Variants in MFSD6 observed in about 807,000 individuals in gnomAD.
MFSD6 encodes major facilitator superfamily domain-containing protein 6.
In MFSD6, 26 loss-of-function variants were observed where a neutral mutation model predicts 56.3. The observed-to-expected ratio is 0.46, with a 90% confidence interval of 0.34 to 0.64. MFSD6 has a LOEUF of 0.64. MFSD6 is among the 30% of genes least tolerant of loss of function. The pLI, the probability that MFSD6 is intolerant of heterozygous loss-of-function variation, is 0.01. For synonymous variants in MFSD6, 331 were observed against 366.9 expected (o/e 0.90, Z 1.12); for missense variants, 750 against 986.2 (o/e 0.76, Z 3.21).
At chr2:190,445,796 T>G (rs1404681855) in intron 3 of MFSD6, among the ~76,000 whole-genome samples, 2 of 135,766 alleles carry the variant, frequency 1.5e-5, no homozygotes, top group Non-Finnish European at 3.2e-5. Context: ...GAAATCAGAT[T>G]CATAACGTGG....
rs541603233 is a variant in MFSD6, at chr2:190,423,966, G to A, written c.-54+8553G>A. ...CCTCTTCAGTGAAATGTCCCTTCAC[G>A]TTTTTTGTCCATTTTCTAATTGGAT... On this transcript the variant is annotated intron_variant, in intron 2 of 7. Transcript: ENST00000392328. The surrounding 1 kb of genome is among the most constrained non-coding windows in gnomAD (Gnocchi z 4.3). Among the ~76,000 whole-genome samples, 2 of 152,190 alleles carry A rather than the reference G, an allele frequency of 1.3e-5. No individual in the cohort carries two copies. The highest frequency in any genetic ancestry group is 1.9e-4 in the East Asian group (1 of 5,180).
chr2:190,424,842 T>C lies in MFSD6; in HGVS notation c.-54+9429T>C, dbSNP rs1017575927. ...CACACGGTCTTAATGCACAGCTATATGATCTTTTTCAAAACTGCTTTAGCT... is the reference window on the plus strand; with the variant it reads ...CACACGGTCTTAATGCACAGCTATACGATCTTTTTCAAAACTGCTTTAGCT... On this transcript the variant is annotated intron_variant, in intron 2 of 7. Coordinates refer to ENST00000392328, the MANE Select transcript of MFSD6 (RefSeq NM_017694.4). This position sits in a 1 kb window ranked among gnomAD's most constrained non-coding sequence, Gnocchi z 5.9. Among the ~76,000 whole-genome samples, 2 of 152,268 alleles carry C rather than the reference T, an allele frequency of 1.3e-5. No homozygotes were observed. The highest frequency in any genetic ancestry group is 2.9e-5 in the Non-Finnish European group (2 of 68,050).
At position 190,424,222 on chromosome 2, in the gene MFSD6, A is replaced by G. The variant is rs1685718675; in HGVS notation, c.-54+8809A>G. Among the ~76,000 whole-genome samples the G allele has an allele frequency of 7.0e-6, 1 of 142,876 alleles. No homozygotes were observed. Among genetic ancestry groups the G allele is most frequent in the South Asian group, 2.2e-4 (1 of 4,640 alleles). The allele number at this position is 142,876 out of a possible 152,430, so 93.7% of individuals were successfully genotyped here. A position where few individuals can be genotyped will look rare whatever the true frequency, so the allele number is the denominator to read the frequency against. On this transcript the variant is annotated intron_variant, in intron 2 of 7. Transcript: ENST00000392328. This position sits in a 1 kb window ranked among gnomAD's most constrained non-coding sequence, Gnocchi z 5.9. ...AACTCTGCCTAGCACTAGAGGCTAA[A>G]GATTTTCTTCTTCTTTTTTTTTTTT...
chr2:190,469,089 A>C lies in MFSD6; in HGVS notation c.1533-669A>C, dbSNP rs1687767201. On this transcript the variant is annotated intron_variant, in intron 3 of 7. Coordinates refer to ENST00000392328, the MANE Select transcript of MFSD6 (RefSeq NM_017694.4). The surrounding 1 kb of genome is among the most constrained non-coding windows in gnomAD (Gnocchi z 5.3). ...TTTGGCAGCGGTAATGGTGGGGGTG[A>C]GAGAATGCAAGAGGTTGGTGTATAT... Among the ~76,000 whole-genome samples, 1 of 152,142 alleles carries C rather than the reference A, an allele frequency of 6.6e-6. No homozygotes were observed. The highest frequency in any genetic ancestry group is 2.4e-5 in the African/African-American group (1 of 41,424).
chr2:190,495,682 T>TAAATAAA lies in MFSD6; in HGVS notation c.1892-1756_1892-1750dup, dbSNP rs756510061. On this transcript the variant is annotated intron_variant, in intron 6 of 7. Transcript: ENST00000392328. This position sits in a 1 kb window ranked among gnomAD's most constrained non-coding sequence, Gnocchi z 4.7. ...CCAATGAAACAGAATAGAAAACCCA[T>TAAATAAA]AAATAAAGCCAAATACAGCCAACTG... is the stretch of plus-strand genomic sequence containing the variant. Among the ~76,000 whole-genome samples the TAAATAAA allele has an allele frequency of 6.6e-6, 1 of 151,570 alleles. No homozygotes were observed.
rs1232188762 is a variant in MFSD6 at position 190,415,737 on chromosome 2, G to A, written c.-54+324G>A. On this transcript the variant is annotated intron_variant, in intron 2 of 7. Transcript: ENST00000392328. The surrounding 1 kb of genome is among the most constrained non-coding windows in gnomAD (Gnocchi z 4.5). ...ACTAAGGATATAAATTATTCTTTTA[G>A]ACTATAGCACATTTAGGGGATGTAA... 1.3e-5 allele frequency among the ~76,000 whole-genome samples: 2 copies of A among 152,114 alleles called. No homozygotes were observed. Among genetic ancestry groups the A allele is most frequent in the African/African-American group, 4.8e-5 (2 of 41,412 alleles).
At position 190,497,508 on chromosome 2, in the gene MFSD6, T is replaced by C. The variant is rs1204226020; in HGVS notation, c.1961T>C (p.Val654Ala). 3 of 1,614,190 alleles carry C rather than the reference T, an allele frequency of 1.9e-6. No homozygotes were observed. Among genetic ancestry groups the C allele is most frequent in the Non-Finnish European group, 8.5e-7 (1 of 1,180,020 alleles). Residue 654 changes from valine (V) to alanine (A), a missense_variant, in exon 7 of 8, where the codon GTA (valine) becomes GCA (alanine). Physicochemically the swap from Val to Ala is moderately conservative, Grantham distance 64. Around this residue, in one of 5 missense-constraint regions of MFSD6, gnomAD observed 172 missense variants for 203.9 expected, o/e 0.84. Transcript: ENST00000392328. The surrounding 1 kb of genome is among the most constrained non-coding windows in gnomAD (Gnocchi z 5.2). The stretch of plus-strand genomic sequence containing the variant: ...GTTCCTATAGCAACCATCGACTTGG[T>C]ACAGCAACAGACAGAAGATGTCATG... ...SPVPIATIDL[V>A]QQQTEDVMPR...
chr2:190,446,646 C>A (rs1686595403), intron 3 of MFSD6, among the ~76,000 whole-genome samples: 2 of 152,110 alleles, frequency 1.3e-5, no homozygotes, highest in Admixed American at 1.3e-4. Context: ...GCTAATGAAA[C>A]ATGGACTACG....
rs191141972 is a variant in MFSD6 at position 190,478,442 on chromosome 2, T to G, written c.1630+8587T>G. Among the ~76,000 whole-genome samples, 968 of 152,348 alleles carry G rather than the reference T, an allele frequency of 6.4e-3. 4 individuals carry two copies. Among genetic ancestry groups the G allele is most frequent in the Middle Eastern group, 0.014 (4 of 294 alleles). ...GCCCACCCCATGGAAAACAGTAGATTATTCATGTGGAATAAAATCCTGCAT... is the reference window on the plus strand; with the variant it reads ...GCCCACCCCATGGAAAACAGTAGATGATTCATGTGGAATAAAATCCTGCAT... On this transcript the variant is annotated intron_variant, in intron 4 of 7. Coordinates refer to ENST00000392328, the MANE Select transcript of MFSD6 (RefSeq NM_017694.4).
intron 2 of MFSD6, among the ~76,000 whole-genome samples, chr2:190,429,626 A>AT (rs1236867427): frequency 2.0e-5 from 3 of 152,094 alleles, no homozygotes; most frequent in Non-Finnish European, 4.4e-5. Flanking sequence ...GAAATTCTTA[A>AT]TTTTAATGTA....
At chr2:190,411,369 A>C (rs1164658449) in intron 1 of MFSD6, 1 of 564,646 alleles carries the variant, frequency 1.8e-6, no homozygotes, top group African/African-American at 2.1e-5. Flanking sequence ...CATGTTGGCC[A>C]GGATGGTCTC....
At position 190,495,169 on chromosome 2, in the gene MFSD6, A is replaced by T. The variant is rs1242180681; in HGVS notation, c.1892-2270A>T. Among the ~76,000 whole-genome samples, 1 of 151,666 alleles carries T rather than the reference A, an allele frequency of 6.6e-6. No individual in the cohort carries two copies. The highest frequency in any genetic ancestry group is 1.5e-5 in the Non-Finnish European group (1 of 67,968). ...CAGCAAAGTTTCAGGATACAAAATT[A>T]ATGTACACAAATCAGTAGCTCTGCT... On this transcript the variant is annotated intron_variant, in intron 6 of 7. Coordinates refer to ENST00000392328, the MANE Select transcript of MFSD6 (RefSeq NM_017694.4). The surrounding 1 kb of genome is among the most constrained non-coding windows in gnomAD (Gnocchi z 4.7).
intron 3 of MFSD6, among the ~76,000 whole-genome samples, chr2:190,441,098 T>C (rs7581762): frequency 0.7 from 106,964 of 151,996 alleles, 38,550 homozygotes; most frequent in Admixed American, 0.79. Flanking sequence ...TGCCTACTTT[T>C]TTTTCTCCTT....
intron 4 of MFSD6, among the ~76,000 whole-genome samples, chr2:190,482,085 T>C (rs1688706704): frequency 6.6e-6 from 1 of 152,120 alleles, no homozygotes; most frequent in African/African-American, 2.4e-5. Context: ...ACGTGGGAAA[T>C]TGTATGGGTC....
rs1686312203 is a variant in MFSD6, at chr2:190,439,959, C to T, written c.1532+2398C>T. ...ATTGGTTGTGATTTGGGGATTTAAACTTTCCACTGGAAGAATACCATTCAT... is the reference window on the plus strand; with the variant it reads ...ATTGGTTGTGATTTGGGGATTTAAATTTTCCACTGGAAGAATACCATTCAT... On this transcript the variant is annotated intron_variant, in intron 3 of 7. Transcript: ENST00000392328. This position sits in a 1 kb window ranked among gnomAD's most constrained non-coding sequence, Gnocchi z 5.8. Among the ~76,000 whole-genome samples the T allele has an allele frequency of 6.6e-6, 1 of 152,186 alleles. No individual in the cohort carries two copies. The highest frequency in any genetic ancestry group is 2.4e-5 in the African/African-American group (1 of 41,446).
intron 3 of MFSD6, chr2:190,444,992 T>C (rs1686519893): frequency 3.2e-6 from 1 of 313,542 alleles, no homozygotes; most frequent in African/African-American, 2.3e-5. Context: ...AGGCCTCTTA[T>C]TTTACAGCCC....
In MFSD6 at chr2:190,418,755, T is replaced by G. The variant is rs1466920422; in HGVS notation, c.-54+3342T>G. On this transcript the variant is annotated intron_variant, in intron 2 of 7. Transcript: ENST00000392328. This position sits in a 1 kb window ranked among gnomAD's most constrained non-coding sequence, Gnocchi z 4.1. ...CTGGGTGGCAGAAGGAGCCCCTATC[T>G]AAAAAAACAAAACAAAACAAAAGAA... Among the ~76,000 whole-genome samples, 1 of 152,124 alleles carries G rather than the reference T, an allele frequency of 6.6e-6. No individual in the cohort carries two copies. The highest frequency in any genetic ancestry group is 2.4e-5 in the African/African-American group (1 of 41,432).
Position 190,500,727 on chromosome 2 carries a change from T to C in MFSD6, c.*509T>C, listed in dbSNP as rs1689985391. On this transcript the variant is annotated 3_prime_UTR_variant, in exon 8 of 8. Coordinates refer to ENST00000392328, the MANE Select transcript of MFSD6 (RefSeq NM_017694.4). The surrounding 1 kb of genome is among the most constrained non-coding windows in gnomAD (Gnocchi z 5.3). ...TATTTAAAAAGTAACCAGATAAAAGTAGCACATGTGCTTTTGTTAAAAATA... is the reference window on the plus strand; with the variant it reads ...TATTTAAAAAGTAACCAGATAAAAGCAGCACATGTGCTTTTGTTAAAAATA... 6.5e-6 allele frequency: 1 copy of C among 153,324 alleles called. No individual in the cohort carries two copies. The highest frequency in any genetic ancestry group is 2.4e-5 in the African/African-American group (1 of 41,468). 9.5% of individuals were successfully genotyped at this position (153,324 alleles called of 1,614,324 possible). A position where few individuals can be genotyped will look rare whatever the true frequency, so the allele number is the denominator to read the frequency against.
Position 190,471,558 on chromosome 2 carries a change from T to C in MFSD6, c.1630+1703T>C, listed in dbSNP as rs1325891611. On this transcript the variant is annotated intron_variant, in intron 4 of 7. Transcript: ENST00000392328. The surrounding 1 kb of genome is among the most constrained non-coding windows in gnomAD (Gnocchi z 4.7). ...AGGCTGGGGGAGGGGCACCCGCCAT[T>C]GCTGAGGCTTGAGTAGGTAAACAAA... 2.0e-5 allele frequency among the ~76,000 whole-genome samples: 3 copies of C among 152,192 alleles called. No individual in the cohort carries two copies. Among genetic ancestry groups the C allele is most frequent in the Admixed American group, 2.0e-4 (3 of 15,282 alleles).
Sources: gnomAD v4.1 joint callset for allele counts (sites outside exome capture counted in the v4.1 genomes callset) on GRCh38, gnomAD v4.1.1 for gene constraint, gnomAD v4.1.1 regional missense constraint, Gnocchi (gnomAD v3.1) non-coding constraint, MANE v1.5 for transcripts, NCBI Gene and HGNC (gene_info 2026-07-23, HGNC 2026-07-21) for gene names.